HECW1: variants seen among roughly 807,000 people sequenced by gnomAD.
HECW1 encodes E3 ubiquitin-protein ligase HECW1.
Under a neutral mutation model 182.3 loss-of-function variants are expected in HECW1, and 61 were observed. The observed-to-expected ratio is 0.33, with a 90% CI of 0.27 to 0.41. The LOEUF (loss-of-function observed/expected upper bound fraction) is 0.41. Among genes scored for constraint, HECW1 ranks in the 10% least tolerant of loss-of-function variants. HECW1 has a pLI of 1.00. For synonymous variants in HECW1, 859 were observed against 832.6 expected (o/e 1.03, Z -0.55); for missense variants, 1,739 against 2,108.9 (o/e 0.82, Z 3.44).
chr7:43,483,812 G>A (rs2078526708), intron 17 of HECW1, among the ~76,000 whole-genome samples: 1 of 152,028 alleles, frequency 6.6e-6, no homozygotes, highest in Non-Finnish European at 1.5e-5. Context: ...GCCTCCCAAA[G>A]TGCTGGGATT....
chr7:43,459,052 T>C (rs920858362), intron 13 of HECW1, among the ~76,000 whole-genome samples: 3 of 152,212 alleles, frequency 2.0e-5, no homozygotes, highest in Admixed American at 2.0e-4. Context: ...CCTTTATGGC[T>C]TGGCCACATG....
chr7:43,368,395 T>C (rs544317806), intron 6 of HECW1, among the ~76,000 whole-genome samples: 7 of 152,296 alleles, frequency 4.6e-5, no homozygotes, highest in African/African-American at 1.7e-4. Context: ...TAACCCAGAA[T>C]ATAGTGGCAG....
intron 16 of HECW1, among the ~76,000 whole-genome samples, chr7:43,470,672 A>G (rs1208599213): frequency 6.6e-6 from 1 of 152,204 alleles, no homozygotes; most frequent in Non-Finnish European, 1.5e-5. Context: ...GAGAAAGAAA[A>G]AATCTGAATT....
In HECW1 at chr7:43,243,766, C is replaced by G; in HGVS notation, c.-31-109C>G. ...CCTTTTGCACGTCGGTTGCCCAGGC[C>G]AGGTATCTTGGCGGGGGTGGGGGAA... On this transcript the variant is annotated intron_variant, in intron 2 of 29. Coordinates refer to ENST00000395891, the MANE Select transcript of HECW1 (RefSeq NM_015052.5). The surrounding 1 kb of genome is among the most constrained non-coding windows in gnomAD (Gnocchi z 4.0). 1.2e-6 allele frequency: 1 copy of G among 846,884 alleles called. No homozygotes were observed. Among genetic ancestry groups the G allele is most frequent in the Non-Finnish European group, 2.0e-6 (1 of 489,186 alleles). The allele number at this position is 846,884 out of a possible 1,614,324, so 52.5% of individuals were successfully genotyped here.
intron 7 of HECW1, among the ~76,000 whole-genome samples, chr7:43,397,899 G>A (rs1450177401): frequency 6.6e-6 from 1 of 152,200 alleles, no homozygotes; most frequent in African/African-American, 2.4e-5. Context: ...ACTGGGCAAA[G>A]GTTATGTGGG....
At chr7:43,341,260 G>A (rs941533206) in intron 5 of HECW1, among the ~76,000 whole-genome samples, 1 of 151,260 alleles carries the variant, frequency 6.6e-6, no homozygotes, top group East Asian at 1.9e-4. Flanking sequence ...GTATAACTAT[G>A]TAACAAACCT....
intron 15 of HECW1, 33 bp downstream of exon 15, chr7:43,466,601 G>A: frequency 1.9e-6 from 3 of 1,603,108 alleles, no homozygotes; most frequent in Non-Finnish European, 2.6e-6. Context: ...GGGGCGGCCT[G>A]GCTCGGCAAG....
intron 6 of HECW1, among the ~76,000 whole-genome samples, chr7:43,373,958 G>A (rs979414383): frequency 4.6e-5 from 7 of 152,158 alleles, no homozygotes; most frequent in South Asian, 2.1e-4. Flanking sequence ...ATGTTGCCGC[G>A]TGTGCCAGAA....
At chr7:43,283,770 G>A (rs978926037) in intron 3 of HECW1, among the ~76,000 whole-genome samples, 1 of 152,172 alleles carries the variant, frequency 6.6e-6, no homozygotes, top group East Asian at 1.9e-4. Flanking sequence ...CTTGGAAGAG[G>A]AAAAACATAA....
At chr7:43,450,795 T>C in intron 11 of HECW1, 33 bp from the exon 12 acceptor site, 1 of 1,353,858 alleles carries the variant, frequency 7.4e-7, no homozygotes, top group Non-Finnish European at 1.1e-6. Flanking sequence ...CGGCAGTGAA[T>C]GAATCTGAAT....
intron 3 of HECW1, among the ~76,000 whole-genome samples, chr7:43,286,050 A>G (rs1028871147): frequency 1.6e-4 from 24 of 152,188 alleles, no homozygotes; most frequent in African/African-American, 5.5e-4. Flanking sequence ...GAGATAGATC[A>G]GAGAGACCTT....
At chr7:43,530,771 T>C (rs1480568354) in intron 24 of HECW1, among the ~76,000 whole-genome samples, 1 of 152,240 alleles carries the variant, frequency 6.6e-6, no homozygotes, top group Non-Finnish European at 1.5e-5. Flanking sequence ...CCTTCTCTTC[T>C]GCTGCTGCTC....
intron 29 of HECW1, among the ~76,000 whole-genome samples, chr7:43,556,671 G>C (rs2082035275): frequency 6.6e-6 from 1 of 150,500 alleles, no homozygotes; most frequent in East Asian, 1.9e-4. Context: ...CTGGGCAACA[G>C]AGTGAGACCT....
chr7:43,208,802 A>G (rs1795726625), intron 2 of HECW1, among the ~76,000 whole-genome samples: 1 of 152,180 alleles, frequency 6.6e-6, no homozygotes, highest in South Asian at 2.1e-4. Flanking sequence ...GCAACAAGCC[A>G]GCCCTCCAAG....
intron 13 of HECW1, among the ~76,000 whole-genome samples, chr7:43,458,764 G>A (rs1333960440): frequency 1.3e-5 from 2 of 151,986 alleles, no homozygotes; most frequent in East Asian, 1.9e-4. Flanking sequence ...TCTCACATGC[G>A]ACCACACAGA....
At chr7:43,465,134 G>C (rs1264603699) in intron 14 of HECW1, among the ~76,000 whole-genome samples, 1 of 152,152 alleles carries the variant, frequency 6.6e-6, no homozygotes, top group Non-Finnish European at 1.5e-5. Context: ...ACTTCTGAGA[G>C]AGACATGGTA....
At chr7:43,144,698 A>G (rs539985096) in intron 2 of HECW1, among the ~76,000 whole-genome samples, 1 of 152,090 alleles carries the variant, frequency 6.6e-6, no homozygotes, top group African/African-American at 2.4e-5. Flanking sequence ...TTTATTTTCT[A>G]GAGCACTTTC....
At chr7:43,177,057 G>T (rs72585557) in intron 2 of HECW1, among the ~76,000 whole-genome samples, 2,725 of 152,248 alleles carry the variant, frequency 0.018, 78 homozygotes, top group East Asian at 0.15. Flanking sequence ...CTCCTCTAGA[G>T]TTTCAGGGTT....
rs1421147395 is a variant in HECW1, at chr7:43,565,573, ATTATTATTT to A, written c.*3656_*3664del. ...AATGTGGTGCTTTATTATTATTATT[ATTATTATTT>A]TTATTATTATTATTATTACGTACTT... On this transcript the variant is annotated 3_prime_UTR_variant, in exon 30 of 30. Coordinates refer to ENST00000395891, the MANE Select transcript of HECW1 (RefSeq NM_015052.5). 1.2e-5 allele frequency: 2 copies of A among 165,410 alleles called. No homozygotes were observed. The highest frequency in any genetic ancestry group is 2.5e-5 in the Non-Finnish European group (2 of 78,854). 10.2% of individuals were successfully genotyped at this position (165,410 alleles called of 1,614,324 possible).
Sources: gnomAD v4.1 joint callset for allele counts (sites outside exome capture counted in the v4.1 genomes callset) on GRCh38, gnomAD v4.1.1 for gene constraint, Gnocchi (gnomAD v3.1) non-coding constraint, MANE v1.5 for transcripts, NCBI Gene and HGNC (gene_info 2026-07-23, HGNC 2026-07-21) for gene names.